ZPBP: variants seen among roughly 807,000 people sequenced by gnomAD.
The protein encoded by ZPBP is zona pellucida binding protein.
ZPBP carries 26 observed loss-of-function variants against 44.8 expected under a neutral mutation model. The observed-to-expected ratio is 0.58, with a 90% CI of 0.43 to 0.81. The LOEUF is 0.81. ZPBP is among the 30% of genes least tolerant of loss of function. ZPBP has a pLI of 0.00. For missense variants in ZPBP, 409 were observed against 434.0 expected (o/e 0.94, Z 0.51); for synonymous variants, 174 against 153.2 (o/e 1.14, Z -1.00).
intron 6 of ZPBP, among the ~76,000 whole-genome samples, chr7:49,999,991 A>G (rs947446481): frequency 2.6e-5 from 4 of 152,266 alleles, no homozygotes; most frequent in African/African-American, 9.6e-5. Context: ...AGAGGAAATT[A>G]GTTGTTTTTT....
chr7:49,883,403 A>T (rs1213941959), intron 2 of ZPBP, among the ~76,000 whole-genome samples: 1 of 152,178 alleles, frequency 6.6e-6, no homozygotes, highest in Non-Finnish European at 1.5e-5. Context: ...TAGGAAAAAC[A>T]ATTTGGAAAA....
At chr7:49,924,723 C>A (rs1794163109) in intron 1 of ZPBP, among the ~76,000 whole-genome samples, 1 of 152,136 alleles carries the variant, frequency 6.6e-6, no homozygotes, top group South Asian at 2.1e-4. Context: ...AGCCCCATTT[C>A]TCCTGGGTTC....
At chr7:49,906,335 A>C (rs1793086676) in intron 1 of ZPBP, among the ~76,000 whole-genome samples, 1 of 151,968 alleles carries the variant, frequency 6.6e-6, no homozygotes, top group African/African-American at 2.4e-5. Flanking sequence ...AACTGTCAAA[A>C]ATTTTCTCTT....
chr7:50,089,561 A>T, intron 2 of ZPBP, 68 bp downstream of exon 2: 1 of 1,171,280 alleles, frequency 8.5e-7, no homozygotes, highest in Non-Finnish European at 1.2e-6. Flanking sequence ...AGCCTTTTGG[A>T]GAAGACTGAT....
chr7:49,889,395 T>G (rs1792034160), intron 2 of ZPBP, among the ~76,000 whole-genome samples: 1 of 152,226 alleles, frequency 6.6e-6, no homozygotes, highest in Admixed American at 6.5e-5. Context: ...GCAACATTAG[T>G]GCTTTCCCAC....
intron 2 of ZPBP, among the ~76,000 whole-genome samples, chr7:50,084,898 T>C (rs182216038): frequency 6.6e-6 from 1 of 152,134 alleles, no homozygotes; most frequent in Non-Finnish European, 1.5e-5. Context: ...AAAAAACATT[T>C]CCAGAACTCA....
At chr7:49,958,163 C>T (rs1255646680) in intron 7 of ZPBP, among the ~76,000 whole-genome samples, 5 of 152,158 alleles carry the variant, frequency 3.3e-5, no homozygotes, top group African/African-American at 4.8e-5. Flanking sequence ...CACAGGGTCA[C>T]AGCTGGAGGG....
chr7:50,079,471 A>T (rs1415983088), intron 3 of ZPBP, among the ~76,000 whole-genome samples: 1 of 151,614 alleles, frequency 6.6e-6, no homozygotes, highest in African/African-American at 2.4e-5. Flanking sequence ...AATCTAAAAA[A>T]GTCACACTAA....
At position 50,093,143 on chromosome 7, in the gene ZPBP, C is replaced by T. The variant is rs770957958; in HGVS notation, c.52G>A (p.Ala18Thr). Residue 18 changes from alanine (A) to threonine (T), a missense_variant, in exon 1 of 8, where the codon GCC (alanine) becomes ACC (threonine). Ala to Thr is a moderately conservative substitution (Grantham distance 58). Coordinates refer to ENST00000046087, the MANE Select transcript of ZPBP (RefSeq NM_007009.3). The stretch of plus-strand genomic sequence containing the variant: ...GCCCGAGAGAGCAGGGAGCCGGCGG[C>T]CCGGGTCCGCCGCCTGCCCCGCCGC... Reference protein sequence around the residue: ...PARRGRRRTRAAGSLLSRAAI... With the variant: ...PARRGRRRTRTAGSLLSRAAI... The T allele has an allele frequency of 9.4e-5, 146 of 1,546,292 alleles. No individual in the cohort carries two copies. The highest frequency in any genetic ancestry group is 2.2e-5 in the Non-Finnish European group (25 of 1,147,836).
intron 2 of ZPBP, among the ~76,000 whole-genome samples, chr7:49,868,049 G>T (rs1047778441): frequency 1.3e-5 from 2 of 152,032 alleles, no homozygotes; most frequent in Non-Finnish European, 2.9e-5. Flanking sequence ...GACCAGGCTG[G>T]TCTCAAACTC....
chr7:50,087,623 T>C (rs1802731314), intron 2 of ZPBP, among the ~76,000 whole-genome samples: 3 of 152,044 alleles, frequency 2.0e-5, no homozygotes, highest in Non-Finnish European at 2.9e-5. Context: ...TGTGTTTCTT[T>C]ATGCTAGCAA....
At chr7:50,060,788 T>C (rs1259355603) in intron 3 of ZPBP, among the ~76,000 whole-genome samples, 1 of 152,156 alleles carries the variant, frequency 6.6e-6, no homozygotes, top group African/African-American at 2.4e-5. Flanking sequence ...TTGAGGAGGA[T>C]CGACTCTTTC....
At chr7:50,027,000 C>T (rs528677969) in intron 5 of ZPBP, among the ~76,000 whole-genome samples, 13 of 152,098 alleles carry the variant, frequency 8.5e-5, no homozygotes, top group African/African-American at 2.2e-4. Flanking sequence ...CATTTTAATG[C>T]TAAAACCCCA....
chr7:49,963,408 A>G (rs1296073348), intron 7 of ZPBP, among the ~76,000 whole-genome samples: 3 of 151,868 alleles, frequency 2.0e-5, no homozygotes, highest in East Asian at 3.8e-4. Flanking sequence ...TGGAAACCAT[A>G]TAACCATATA....
intron 4 of ZPBP, 116 bp downstream of exon 4, chr7:50,057,873 T>C: frequency 9.9e-7 from 1 of 1,006,894 alleles, no homozygotes. Flanking sequence ...AGTAATTCTT[T>C]TTTAATTAAA....
chr7:50,044,048 C>T (rs547335671), intron 4 of ZPBP, among the ~76,000 whole-genome samples: 1 of 152,204 alleles, frequency 6.6e-6, no homozygotes, highest in African/African-American at 2.4e-5. Flanking sequence ...ACTGGACAAT[C>T]TGCTCCTGAA....
intron 6 of ZPBP, among the ~76,000 whole-genome samples, chr7:50,006,211 C>T (rs1798304914): frequency 6.6e-6 from 1 of 151,714 alleles, no homozygotes; most frequent in Non-Finnish European, 1.5e-5. Flanking sequence ...TAGTAATGGA[C>T]AGAACAACCA....
At chr7:50,044,657 G>C (rs983814612) in intron 4 of ZPBP, among the ~76,000 whole-genome samples, 1 of 152,184 alleles carries the variant, frequency 6.6e-6, no homozygotes, top group African/African-American at 2.4e-5. Context: ...AACAAGTTCT[G>C]AAATTGAGGC....
intron 3 of ZPBP, 121 bp from the exon 4 acceptor site, chr7:50,058,262 C>T: frequency 9.8e-7 from 1 of 1,020,584 alleles, no homozygotes; most frequent in Non-Finnish European, 1.5e-6. Flanking sequence ...GAGTGGGGGG[C>T]ATAGCTAGGA....
Sources: gnomAD v4.1 joint callset for allele counts (sites outside exome capture counted in the v4.1 genomes callset) on GRCh38, gnomAD v4.1.1 for gene constraint, MANE v1.5 for transcripts, NCBI Gene and HGNC (gene_info 2026-07-23, HGNC 2026-07-21) for gene names.